The following TBC1D19 variants were observed in gnomAD, a reference collection of about 807,000 sequenced individuals.
The protein encoded by TBC1D19 is TBC1 domain family, member 19.
TBC1D19 carries 60 observed loss-of-function variants against 89.0 expected under a neutral mutation model. The observed-to-expected ratio is 0.67, with a 90% confidence interval of 0.55 to 0.84. The LOEUF is 0.84. Among genes scored for constraint, TBC1D19 ranks in the 40% least tolerant of loss-of-function variants. TBC1D19 has a pLI of 0.00. For missense variants in TBC1D19, 500 were observed against 610.8 expected (o/e 0.82, Z 1.91); for synonymous variants, 189 against 199.7 (o/e 0.95, Z 0.45).
At chr4:26,681,963 C>A (rs1713385291) in intron 11 of TBC1D19, among the ~76,000 whole-genome samples, 2 of 151,960 alleles carry the variant, frequency 1.3e-5, no homozygotes, top group African/African-American at 4.8e-5. Flanking sequence ...CAAATAACAC[C>A]ACAAATACAA....
intron 11 of TBC1D19, among the ~76,000 whole-genome samples, chr4:26,678,721 T>G (rs1713067012): frequency 6.6e-6 from 1 of 152,146 alleles, no homozygotes; most frequent in Non-Finnish European, 1.5e-5. Flanking sequence ...TAGTGAAATT[T>G]TAACAGAAAC....
At chr4:26,804,342 C>T in the TBC1D19 span, among the ~76,000 whole-genome samples, 2 of 152,156 alleles carry the variant, frequency 1.3e-5, no homozygotes, top group African/African-American at 4.8e-5. Flanking sequence ...GACGGGGTTT[C>T]ACCACATTGG....
intron 1 of TBC1D19, among the ~76,000 whole-genome samples, chr4:26,600,053 A>C (rs1350732356): frequency 6.7e-6 from 1 of 149,540 alleles, no homozygotes; most frequent in African/African-American, 2.5e-5. Flanking sequence ...ATCATGCATT[A>C]TTTGTATTTC....
At chr4:26,757,458 G>A (rs183537723), downstream of TBC1D19, among the ~76,000 whole-genome samples, 239 of 152,324 alleles carry the variant, frequency 1.6e-3, no homozygotes, top group African/African-American at 5.6e-3. Flanking sequence ...GGAGTAAACA[G>A]TGATACATTG....
At position 26,645,607 on chromosome 4, in the gene TBC1D19, C is replaced by T. The variant is rs375811160; in HGVS notation, c.480+5420C>T. ...GACATAGGCATGGGCAAGGACTTCA[C>T]GTCTAAAACACCAAAAGCAATGGCA... On this transcript the variant is annotated intron_variant, in intron 7 of 20. Coordinates refer to ENST00000264866, the MANE Select transcript of TBC1D19 (RefSeq NM_018317.4). Among the ~76,000 whole-genome samples, 103 of 152,176 alleles carry T rather than the reference C, an allele frequency of 6.8e-4. 1 individual carries two copies. In the East Asian group the frequency reaches 0.019, roughly 27 times the overall value.
At chr4:26,817,981 A>AATATATAT in the TBC1D19 span, among the ~76,000 whole-genome samples, 94 of 126,042 alleles carry the variant, frequency 7.5e-4, no homozygotes, top group Middle Eastern at 3.8e-3. Context: ...AAAAAAAAAA[A>AATATATAT]ATATATATAT....
At chr4:26,780,929 TG>T in the TBC1D19 span, among the ~76,000 whole-genome samples, 1 of 152,298 alleles carries the variant, frequency 6.6e-6, no homozygotes. Context: ...CAAGGCTCAG[TG>T]GCTACACAGG....
At chr4:26,759,533 A>C (rs1719390743), downstream of TBC1D19, among the ~76,000 whole-genome samples, 1 of 152,180 alleles carries the variant, frequency 6.6e-6, no homozygotes. Context: ...AGTCTTAACA[A>C]ATGTATATAC....
Position 26,720,116 on chromosome 4 carries a change from C to A in TBC1D19, c.1075C>A (p.Pro359Thr). The A allele has an allele frequency of 6.2e-7, 1 of 1,601,358 alleles. No individual in the cohort carries two copies. Among genetic ancestry groups the A allele is most frequent in the Non-Finnish European group, 8.5e-7 (1 of 1,173,720 alleles). ...LGLEEYAVFY[P>T]PNGVIPFHGF... ...ACTGGAAGAATATGCTGTCTTTTACCCACCAAATGGTAAGAGTAATGCTAT... is the reference window on the plus strand; with the variant it reads ...ACTGGAAGAATATGCTGTCTTTTACACACCAAATGGTAAGAGTAATGCTAT... Residue 359 changes from proline to threonine, a missense_variant, in exon 15 of 21, where the codon CCA becomes ACA. By Grantham distance (38) the Pro-to-Thr change is conservative (BLOSUM62 -1). Around this residue, in one of 2 missense-constraint regions of TBC1D19, gnomAD observed 220 missense variants for 319.1 expected, o/e 0.69. Coordinates refer to ENST00000264866, the MANE Select transcript of TBC1D19 (RefSeq NM_018317.4).
chr4:26,812,538 G>A, the TBC1D19 span, among the ~76,000 whole-genome samples: 1 of 152,098 alleles, frequency 6.6e-6, no homozygotes, highest in Admixed American at 6.5e-5. This position sits in a 1 kb window ranked among gnomAD's most constrained non-coding sequence, Gnocchi z 4.2. Flanking sequence ...TATTAACATA[G>A]CAGTCAATGC....
intron 18 of TBC1D19, among the ~76,000 whole-genome samples, chr4:26,746,796 A>T (rs1372610945): frequency 2.0e-5 from 3 of 152,204 alleles, no homozygotes; most frequent in Non-Finnish European, 1.5e-5. Context: ...GAACAATTAT[A>T]ACAATATGCA....
At chr4:26,802,256 T>C in the TBC1D19 span, among the ~76,000 whole-genome samples, 1 of 152,178 alleles carries the variant, frequency 6.6e-6, no homozygotes, top group Non-Finnish European at 1.5e-5. Flanking sequence ...GCACCAGAGT[T>C]ATATGTGGCC....
intron 3 of TBC1D19, among the ~76,000 whole-genome samples, chr4:26,619,237 C>T (rs941852352): frequency 6.8e-6 from 1 of 147,688 alleles, no homozygotes; most frequent in African/African-American, 2.5e-5. Context: ...CGGAATCTTG[C>T]TCTGTTGCCC....
intron 4 of TBC1D19, among the ~76,000 whole-genome samples, chr4:26,630,710 G>T (rs1742754628): frequency 6.6e-6 from 1 of 151,996 alleles, no homozygotes; most frequent in South Asian, 2.1e-4. Context: ...AGTTATATTT[G>T]AGGTAAATAT....
chr4:26,705,387 T>C (rs1285009326), intron 13 of TBC1D19, among the ~76,000 whole-genome samples: 2 of 152,214 alleles, frequency 1.3e-5, no homozygotes, highest in African/African-American at 4.8e-5. Flanking sequence ...TGCACTATGT[T>C]TTCTTCTATG....
At chr4:26,579,163 T>C (rs1739023936), upstream of TBC1D19, among the ~76,000 whole-genome samples, 4 of 152,352 alleles carry the variant, frequency 2.6e-5, 1 homozygote, top group Middle Eastern at 0.01. Context: ...CTGGATATTG[T>C]CTAACTCTTA....
intron 17 of TBC1D19, 59 bp downstream of exon 17, chr4:26,740,032 C>A: frequency 1.7e-6 from 2 of 1,159,194 alleles, no homozygotes; most frequent in Non-Finnish European, 1.2e-6. Context: ...TTCTTTCTTT[C>A]TGTTAAGAAA....
intron 19 of TBC1D19, among the ~76,000 whole-genome samples, chr4:26,749,770 A>G (rs1718850903): frequency 6.6e-6 from 1 of 152,058 alleles, no homozygotes; most frequent in Non-Finnish European, 1.5e-5. Context: ...GAATGCTGAG[A>G]AGTCTATAGT....
chr4:26,671,767 T>C (rs1712331224), intron 9 of TBC1D19, among the ~76,000 whole-genome samples: 1 of 151,978 alleles, frequency 6.6e-6, no homozygotes, highest in African/African-American at 2.4e-5. Flanking sequence ...AAATTAAAGA[T>C]GAATGAATAG....
Sources: gnomAD v4.1 joint callset for allele counts (sites outside exome capture counted in the v4.1 genomes callset) on GRCh38, gnomAD v4.1.1 for gene constraint, gnomAD v4.1.1 regional missense constraint, Gnocchi (gnomAD v3.1) non-coding constraint, MANE v1.5 for transcripts, NCBI Gene and HGNC (gene_info 2026-07-23, HGNC 2026-07-21) for gene names.